The following TLCD4 variants were observed in gnomAD, a reference collection of about 807,000 sequenced individuals.
TLCD4 encodes TLC domain-containing protein 4.
A neutral mutation model predicts 24.2 loss-of-function variants in TLCD4; 7 were observed. The observed-to-expected ratio is 0.29, with a 90% CI of 0.16 to 0.54. The LOEUF (loss-of-function observed/expected upper bound fraction) is 0.54, where lower values mean the gene tolerates loss of function less well. Among genes scored for constraint, TLCD4 ranks in the 20% least tolerant of loss-of-function variants. TLCD4 has a pLI of 0.95. For missense variants in TLCD4, 259 were observed against 313.9 expected (o/e 0.82, Z 1.32); for synonymous variants, 103 against 106.4 (o/e 0.97, Z 0.20).
chr1:95,152,972 C>T (rs1419638145), intron 5 of TLCD4, among the ~76,000 whole-genome samples: 1 of 152,008 alleles, frequency 6.6e-6, no homozygotes, highest in African/African-American at 2.4e-5. Context: ...TTAAACCATG[C>T]CTTTAGATAA....
chr1:95,146,693 T>G (rs1181977556), intron 2 of TLCD4, among the ~76,000 whole-genome samples: 1 of 152,164 alleles, frequency 6.6e-6, no homozygotes. Context: ...AACTATAGTA[T>G]AGACTTTTAA....
chr1:95,136,039 GT>G lies in TLCD4; in HGVS notation c.-11-7840del, dbSNP rs58511423. Among the ~76,000 whole-genome samples, 420 of 147,184 alleles carry G rather than the reference GT, an allele frequency of 2.9e-3. 1 individual carries two copies. The highest frequency in any genetic ancestry group is 7.1e-3 in the Middle Eastern group (2 of 282). On this transcript the variant is annotated intron_variant, in intron 1 of 6. Transcript: ENST00000370203. ...GCCTGGCCTGCTCTCAAGTTTTCAA[GT>G]TTTTTTTTTTTATTTTTTTTTAAGA...
chr1:95,137,568 G>T (rs1001639437), intron 1 of TLCD4, among the ~76,000 whole-genome samples: 18 of 152,068 alleles, frequency 1.2e-4, no homozygotes, highest in African/African-American at 4.3e-4. Context: ...TGTTTTGGTG[G>T]GGAGGGGCTG....
At chr1:95,151,245 A>C in intron 4 of TLCD4, 80 bp from the exon 5 acceptor site, 2 of 1,411,760 alleles carry the variant, frequency 1.4e-6, no homozygotes, top group Non-Finnish European at 2.0e-6. Flanking sequence ...ATGAGTTGGC[A>C]GGAGAAAGAG....
chr1:95,130,295 G>A (rs2100914422), intron 1 of TLCD4, among the ~76,000 whole-genome samples: 1 of 152,170 alleles, frequency 6.6e-6, no homozygotes, highest in African/African-American at 2.4e-5. Context: ...TGGGACTACA[G>A]GCACGTGCCT....
chr1:95,102,268 G>A, the TLCD4 span, among the ~76,000 whole-genome samples: 1 of 152,186 alleles, frequency 6.6e-6, no homozygotes, highest in African/African-American at 2.4e-5. Flanking sequence ...TATTAACTTG[G>A]TATGATGCCA....
intron 6 of TLCD4, among the ~76,000 whole-genome samples, chr1:95,178,076 G>A (rs914792808): frequency 2.7e-5 from 4 of 150,922 alleles, no homozygotes; most frequent in Non-Finnish European, 5.9e-5. Context: ...TCAGCTTCCC[G>A]AGTAGCTGGG....
intron 5 of TLCD4, among the ~76,000 whole-genome samples, chr1:95,152,860 A>C (rs1286837794): frequency 6.6e-6 from 1 of 151,996 alleles, no homozygotes; most frequent in East Asian, 1.9e-4. Context: ...TTAATCCTCA[A>C]TTTTTAAGGA....
intron 6 of TLCD4, among the ~76,000 whole-genome samples, chr1:95,185,443 A>G (rs1291484275): frequency 6.6e-6 from 1 of 152,210 alleles, no homozygotes; most frequent in African/African-American, 2.4e-5. Context: ...CTCCCGAACA[A>G]CATGGGTTTG....
At chr1:95,174,210 T>C in intron 6 of TLCD4, 1 of 261,708 alleles carries the variant, frequency 3.8e-6, no homozygotes, top group East Asian at 7.6e-5. Flanking sequence ...TCACTGAATC[T>C]TAGATTTGAG....
At chr1:95,128,214 A>G (rs1038190320) in intron 1 of TLCD4, among the ~76,000 whole-genome samples, 5 of 152,192 alleles carry the variant, frequency 3.3e-5, no homozygotes, top group African/African-American at 1.2e-4. Flanking sequence ...GAATTCTTCA[A>G]TAAGTTTGGA....
chr1:95,157,895 G>T (rs1677676203), intron 5 of TLCD4, among the ~76,000 whole-genome samples: 1 of 152,178 alleles, frequency 6.6e-6, no homozygotes, highest in African/African-American at 2.4e-5. Flanking sequence ...GATTTAAGAG[G>T]TAGGAAATAA....
intron 5 of TLCD4, among the ~76,000 whole-genome samples, chr1:95,160,815 C>T (rs1048379664): frequency 5.3e-5 from 8 of 152,106 alleles, no homozygotes; most frequent in East Asian, 1.9e-4. Context: ...TATTGGTTTA[C>T]GTATGTTGAA....
At chr1:95,102,942 A>G in the TLCD4 span, among the ~76,000 whole-genome samples, 1 of 151,978 alleles carries the variant, frequency 6.6e-6, no homozygotes, top group Non-Finnish European at 1.5e-5. Context: ...TCCTTTAGCA[A>G]GAGTAGTGTA....
At chr1:95,122,458 T>C (rs1676596047) in intron 1 of TLCD4, among the ~76,000 whole-genome samples, 1 of 152,224 alleles carries the variant, frequency 6.6e-6, no homozygotes, top group Non-Finnish European at 1.5e-5. Flanking sequence ...TATTCCGACC[T>C]AGTTGCAGCC....
the TLCD4 span, among the ~76,000 whole-genome samples, chr1:95,104,876 T>C: frequency 6.6e-6 from 1 of 151,614 alleles, no homozygotes; most frequent in African/African-American, 2.4e-5. Flanking sequence ...AAAAATTAGC[T>C]GGGCATGGTG....
chr1:95,155,985 A>T (rs987262020), intron 5 of TLCD4, among the ~76,000 whole-genome samples: 1 of 152,018 alleles, frequency 6.6e-6, no homozygotes, highest in Non-Finnish European at 1.5e-5. Flanking sequence ...TGGAAAGATC[A>T]TTGTGTTAAT....
intron 5 of TLCD4, among the ~76,000 whole-genome samples, chr1:95,154,653 G>A (rs756601451): frequency 6.6e-6 from 1 of 152,026 alleles, no homozygotes; most frequent in Non-Finnish European, 1.5e-5. Context: ...TTTCACATGA[G>A]TCTGATTTGG....
the TLCD4 span, among the ~76,000 whole-genome samples, chr1:95,098,479 C>T: frequency 6.6e-6 from 1 of 152,170 alleles, no homozygotes; most frequent in Non-Finnish European, 1.5e-5. Context: ...TTTGTGGTTC[C>T]TGGGGACATG....
Sources: allele counts gnomAD v4.1 joint callset (sites outside exome capture counted in the v4.1 genomes callset), GRCh38; gene constraint gnomAD v4.1.1; transcripts MANE v1.5; gene names NCBI Gene and HGNC (gene_info 2026-07-23, HGNC 2026-07-21).